WDR70: variants seen among roughly 807,000 people sequenced by gnomAD.
WDR70 encodes the protein WD repeat-containing protein 70.
Under a neutral mutation model 88.6 loss-of-function variants are expected in WDR70, and 53 were observed. That is an observed-to-expected ratio of 0.60 (90% CI 0.48 to 0.75). The LOEUF (loss-of-function observed/expected upper bound fraction) is 0.75, where lower values mean the gene tolerates loss of function less well. Among genes scored for constraint, WDR70 ranks in the 30% least tolerant of loss-of-function variants. The pLI is 0.00. For synonymous variants in WDR70, 280 were observed against 270.0 expected (o/e 1.04, Z -0.36); for missense variants, 610 against 823.2 (o/e 0.74, Z 3.17).
At chr5:37,527,972 G>A (rs1741350657) in intron 9 of WDR70, among the ~76,000 whole-genome samples, 1 of 152,130 alleles carries the variant, frequency 6.6e-6, no homozygotes, top group Non-Finnish European at 1.5e-5. Context: ...TAAAAACTCA[G>A]GAAACAATGG....
intron 9 of WDR70, among the ~76,000 whole-genome samples, chr5:37,557,960 A>AGAAAAC (rs1561900824): frequency 1.1e-4 from 2 of 17,818 alleles, no homozygotes; most frequent in Admixed American, 6.4e-4. Flanking sequence ...AAAGAGTATT[A>AGAAAAC]TGTATATTTA....
intron 9 of WDR70, among the ~76,000 whole-genome samples, chr5:37,568,726 G>A (rs927031302): frequency 2.6e-5 from 4 of 152,260 alleles, no homozygotes; most frequent in African/African-American, 9.6e-5. Flanking sequence ...ACTAAGCAGT[G>A]AGTGGGATAT....
chr5:37,549,695 G>A (rs990341534), intron 9 of WDR70, among the ~76,000 whole-genome samples: 2 of 152,190 alleles, frequency 1.3e-5, no homozygotes, highest in Non-Finnish European at 2.9e-5. Flanking sequence ...GGTGAAAGTG[G>A]ACATCCTTGT....
chr5:37,441,178 G>A (rs1750642515), intron 6 of WDR70, among the ~76,000 whole-genome samples: 1 of 152,170 alleles, frequency 6.6e-6, no homozygotes, highest in Non-Finnish European at 1.5e-5. Flanking sequence ...TGAACGTAGA[G>A]GCAAGTGAGT....
chr5:37,730,989 TGTGTCATGAAGCCATCAA>T (rs1224426502), intron 17 of WDR70, among the ~76,000 whole-genome samples: 1 of 152,128 alleles, frequency 6.6e-6, no homozygotes, highest in Non-Finnish European at 1.5e-5. Flanking sequence ...GGAGTAGAGA[TGTGTCATGAAGCCATCAA>T]GTGTGCAGTA....
intron 5 of WDR70, among the ~76,000 whole-genome samples, chr5:37,434,924 C>T (rs544230015): frequency 6.6e-6 from 1 of 152,230 alleles, no homozygotes; most frequent in South Asian, 2.1e-4. Flanking sequence ...AGCTATATTT[C>T]AAAAAGTCAT....
intron 9 of WDR70, among the ~76,000 whole-genome samples, chr5:37,588,364 G>T (rs950348234): frequency 2.0e-5 from 3 of 152,104 alleles, no homozygotes; most frequent in Non-Finnish European, 4.4e-5. Context: ...ACCCAAGGGT[G>T]TTATCTTAGA....
chr5:37,423,450 A>G (rs191140854), intron 5 of WDR70, among the ~76,000 whole-genome samples: 20 of 152,052 alleles, frequency 1.3e-4, no homozygotes, highest in Middle Eastern at 6.8e-3. Flanking sequence ...ATGATTTTCA[A>G]CTACCATAGT....
rs191756993 is a variant in WDR70 at position 37,631,616 on chromosome 5, A to G, written c.1092+26378A>G. 3.3e-4 allele frequency among the ~76,000 whole-genome samples: 50 copies of G among 152,294 alleles called. 1 individual carries two copies. The highest frequency in any genetic ancestry group is 3.3e-3 in the Admixed American group (50 of 15,300). ...AAGATTCAGTAATTTACCTAAGGAC[A>G]TACAGTAAGAGGCAGGTAGATCTGG... On this transcript the variant is annotated intron_variant, in intron 10 of 17. Coordinates refer to ENST00000265107, the MANE Select transcript of WDR70 (RefSeq NM_018034.4).
At position 37,383,489 on chromosome 5, in the gene WDR70, T is replaced by G. The variant is rs530344725; in HGVS notation, c.175+1804T>G. On this transcript the variant is annotated intron_variant, in intron 3 of 17. Transcript: ENST00000265107. ...GTTGGCCAGGCTGGTCTCGGACTTG[T>G]GACCTCAGGTGATCCGCCCGCCTCG... Among the ~76,000 whole-genome samples, 126 of 152,274 alleles carry G rather than the reference T, an allele frequency of 8.3e-4. 1 individual carries two copies. The highest frequency in any genetic ancestry group is 6.8e-3 in the Middle Eastern group (2 of 294).
At chr5:37,483,837 A>T (rs1264153463) in intron 8 of WDR70, among the ~76,000 whole-genome samples, 5 of 151,808 alleles carry the variant, frequency 3.3e-5, no homozygotes, top group African/African-American at 9.7e-5. Context: ...CACTTCTCAG[A>T]CGGGGCGGCT....
At chr5:37,443,059 A>G (rs1750702871) in intron 6 of WDR70, among the ~76,000 whole-genome samples, 180 bp from the exon 7 acceptor site, 2 of 152,232 alleles carry the variant, frequency 1.3e-5, no homozygotes, top group African/African-American at 4.8e-5. Flanking sequence ...ATATAGTAAC[A>G]AAGTCTAATA....
chr5:37,388,363 G>A lies in WDR70; in HGVS notation c.176-3637G>A, dbSNP rs578186160. On this transcript the variant is annotated intron_variant, in intron 3 of 17. Coordinates refer to ENST00000265107, the MANE Select transcript of WDR70 (RefSeq NM_018034.4). ...GAACTCCTGACCTCGTGATCTGCCT[G>A]CCGCAGCCTCCCAAAGTGTTGGGAT... Among the ~76,000 whole-genome samples, 12 of 150,406 alleles carry A rather than the reference G, an allele frequency of 8.0e-5. No homozygotes were observed. The South Asian group carries it at 1.9e-3, about 24-fold the overall frequency.
intron 8 of WDR70, among the ~76,000 whole-genome samples, chr5:37,502,376 A>T (rs2112222589): frequency 6.6e-6 from 1 of 152,020 alleles, no homozygotes; most frequent in African/African-American, 2.4e-5. Flanking sequence ...AGAGGTGGGG[A>T]TTCTTTTCAA....
chr5:37,740,312 C>T (rs1561099970), intron 17 of WDR70, among the ~76,000 whole-genome samples: 1 of 152,060 alleles, frequency 6.6e-6, no homozygotes, highest in Non-Finnish European at 1.5e-5. Context: ...GATTTCTAAA[C>T]GTTTTCAAAA....
At chr5:37,707,870 C>T (rs777384233) in intron 13 of WDR70, among the ~76,000 whole-genome samples, 8 of 137,096 alleles carry the variant, frequency 5.8e-5, no homozygotes, top group Non-Finnish European at 1.2e-4. Flanking sequence ...GCTGAGATGG[C>T]GCCACTGCAC....
At chr5:37,557,901 A>ATACTCTTTTGAATACTATTCAAAAGAG (rs1561900701) in intron 9 of WDR70, among the ~76,000 whole-genome samples, 1 of 30,806 alleles carries the variant, frequency 3.2e-5, no homozygotes, top group African/African-American at 1.1e-4. Context: ...CTTCAGATTT[A>ATACTCTTTTGAATACTATTCAAAAGAG]TACTCTTTTG....
chr5:37,381,535 T>C, intron 2 of WDR70, 67 bp from the exon 3 acceptor site: 2 of 1,259,708 alleles, frequency 1.6e-6, no homozygotes, highest in South Asian at 1.2e-5. Context: ...TTGATCAGTA[T>C]TGATCACCTA....
intron 10 of WDR70, among the ~76,000 whole-genome samples, chr5:37,696,387 T>C (rs1021263886): frequency 5.3e-5 from 8 of 152,198 alleles, no homozygotes. Flanking sequence ...CTGGATTTTT[T>C]TAGGTGTAAG....
Sources: gnomAD v4.1 joint callset for allele counts (sites outside exome capture counted in the v4.1 genomes callset) on GRCh38, gnomAD v4.1.1 for gene constraint, MANE v1.5 for transcripts, NCBI Gene and HGNC (gene_info 2026-07-23, HGNC 2026-07-21) for gene names.